Variants in SYT6 observed in about 807,000 individuals in gnomAD.
SYT6 encodes the protein synaptotagmin-6.
In SYT6, 24 loss-of-function variants were observed where a neutral mutation model predicts 38.4. That is an observed-to-expected ratio of 0.62 (90% CI 0.45 to 0.88). The LOEUF is 0.88. Ranked by LOEUF, SYT6 falls within the 40% of genes least tolerant of loss-of-function variation. SYT6 has a pLI of 0.00. For synonymous variants in SYT6, 265 were observed against 241.9 expected (o/e 1.10, Z -0.89); for missense variants, 611 against 621.0 (o/e 0.98, Z 0.17).
At chr1:114,104,832 T>A (rs2629815) in intron 3 of SYT6, among the ~76,000 whole-genome samples, 2 of 151,888 alleles carry the variant, frequency 1.3e-5, no homozygotes, top group Non-Finnish European at 2.9e-5. Context: ...TTAAAAAAAA[T>A]TCCACCTTTT....
At chr1:114,134,999 T>G (rs894752097) in intron 3 of SYT6, among the ~76,000 whole-genome samples, 1 of 152,166 alleles carries the variant, frequency 6.6e-6, no homozygotes, top group African/African-American at 2.4e-5. Flanking sequence ...CCCCCTCTTT[T>G]GCTTGAGTCC....
At chr1:114,118,950 T>C (rs1444089016) in intron 3 of SYT6, among the ~76,000 whole-genome samples, 1 of 152,216 alleles carries the variant, frequency 6.6e-6, no homozygotes, top group Non-Finnish European at 1.5e-5. Context: ...GTGGCTCCTA[T>C]GTCTCCGTGA....
intron 3 of SYT6, among the ~76,000 whole-genome samples, chr1:114,116,283 G>C (rs976606101): frequency 6.6e-6 from 1 of 152,294 alleles, no homozygotes; most frequent in African/African-American, 2.4e-5. Context: ...GAAGGAGGGA[G>C]GGGGAGAAGC....
At chr1:114,143,243 T>A (rs1678965899) in intron 1 of SYT6, among the ~76,000 whole-genome samples, 1 of 149,228 alleles carries the variant, frequency 6.7e-6, no homozygotes, top group Non-Finnish European at 1.5e-5. Context: ...ATAATTCTAT[T>A]TCTTTTTATA....
intron 3 of SYT6, among the ~76,000 whole-genome samples, chr1:114,127,840 A>T (rs1347110883): frequency 1.3e-5 from 2 of 152,238 alleles, no homozygotes; most frequent in Non-Finnish European, 1.5e-5. Flanking sequence ...GCCAGAGAAT[A>T]ACAAGGATGA....
At chr1:114,129,949 T>C (rs555050329) in intron 3 of SYT6, among the ~76,000 whole-genome samples, 3 of 151,986 alleles carry the variant, frequency 2.0e-5, no homozygotes, top group South Asian at 2.1e-4. Context: ...CCTCCCGAAG[T>C]GCTAGGAGTA....
At chr1:114,124,469 C>T (rs1433638516) in intron 3 of SYT6, among the ~76,000 whole-genome samples, 9 of 152,210 alleles carry the variant, frequency 5.9e-5, no homozygotes, top group African/African-American at 9.6e-5. Flanking sequence ...AGAGGGAAGA[C>T]GATAGAATGA....
chr1:114,107,628 T>TA (rs1676406009), intron 3 of SYT6, among the ~76,000 whole-genome samples: 1 of 152,064 alleles, frequency 6.6e-6, no homozygotes, highest in Non-Finnish European at 1.5e-5. Context: ...GATTATTTAA[T>TA]AAAGGAAATT....
chr1:114,131,626 G>A (rs1211490158), intron 3 of SYT6, among the ~76,000 whole-genome samples: 1 of 152,192 alleles, frequency 6.6e-6, no homozygotes, highest in Non-Finnish European at 1.5e-5. Flanking sequence ...TGTCAGCCTG[G>A]GCACCCTGAT....
At chr1:114,140,960 A>G (rs1350484735) in intron 1 of SYT6, among the ~76,000 whole-genome samples, 1 of 152,186 alleles carries the variant, frequency 6.6e-6, no homozygotes, top group Non-Finnish European at 1.5e-5. Context: ...AGCTGCATCC[A>G]TGTAAGATGG....
rs201787036 is a variant in SYT6 at position 114,137,919 on chromosome 1, G to A, written c.647C>T (p.Ser216Leu). Residue 216 changes from serine to leucine, a missense_variant, in exon 3 of 8, where the codon TCG becomes TTG. Transcript: ENST00000610222. The part of the protein sequence containing the change: ...RIKPELYKQK[S>L]VDGEDAKSEA... Reference sequence around the variant, plus strand: ...AGACTTGGCATCCTCCCCATCCACCGACTTCTGCTTGTAGAGCTCAGGCTT... The same window carrying A: ...AGACTTGGCATCCTCCCCATCCACCAACTTCTGCTTGTAGAGCTCAGGCTT... 11 of 1,614,020 alleles carry A rather than the reference G, an allele frequency of 6.8e-6. No individual in the cohort carries two copies. The East Asian group carries it at 1.3e-4, about 20-fold the overall frequency.
At chr1:114,150,382 C>T (rs1476337267) in intron 1 of SYT6, among the ~76,000 whole-genome samples, 1 of 152,218 alleles carries the variant, frequency 6.6e-6, no homozygotes. Context: ...GTCAGAATAT[C>T]ATCTCCTTGG....
rs61312323 is a variant in SYT6, at chr1:114,091,745, C to CT, written c.*388dup. 0.74 allele frequency: 191,078 copies of CT among 258,518 alleles called. 65,324 individuals carry two copies. The highest frequency in any genetic ancestry group is 0.94 in the African/African-American group (40,813 of 43,292). 16.0% of individuals were successfully genotyped at this position (258,518 alleles called of 1,614,324 possible). Reference sequence around the variant, plus strand: ...TTTCCACCCTTTGTCTTTTCCTACTCTTTTTTTTTTTCCCTTTTCTTACCA... The same window carrying CT: ...TTTCCACCCTTTGTCTTTTCCTACTCTTTTTTTTTTTTCCCTTTTCTTACCA... On this transcript the variant is annotated 3_prime_UTR_variant, in exon 8 of 8. Transcript: ENST00000610222.
At chr1:114,150,989 T>C (rs977215259) in intron 1 of SYT6, among the ~76,000 whole-genome samples, 1 of 152,090 alleles carries the variant, frequency 6.6e-6, no homozygotes, top group Non-Finnish European at 1.5e-5. Context: ...CAGGAAGAAG[T>C]CAAGGGAAAA....
intron 6 of SYT6, among the ~76,000 whole-genome samples, chr1:114,096,998 G>T (rs981710172): frequency 1.3e-5 from 2 of 152,202 alleles, no homozygotes; most frequent in African/African-American, 4.8e-5. Context: ...GTGGGATTCA[G>T]CGGAGGGTGG....
chr1:114,149,152 AG>A (rs1679304095), intron 1 of SYT6, among the ~76,000 whole-genome samples: 1 of 120,456 alleles, frequency 8.3e-6, no homozygotes, highest in Non-Finnish European at 1.9e-5. Context: ...CCACCAGGCA[AG>A]TAACCAGTGG....
intron 3 of SYT6, among the ~76,000 whole-genome samples, chr1:114,121,248 G>T (rs1316909233): frequency 6.6e-6 from 1 of 152,226 alleles, no homozygotes; most frequent in African/African-American, 2.4e-5. Context: ...GAGAAGGCTG[G>T]CTTGGGGCCT....
chr1:114,135,768 C>A (rs1336244981), intron 3 of SYT6, among the ~76,000 whole-genome samples: 1 of 152,214 alleles, frequency 6.6e-6, no homozygotes, highest in Non-Finnish European at 1.5e-5. Context: ...CCTAGAAGGG[C>A]TGGGCTGAGC....
chr1:114,105,313 C>CG (rs979122995), intron 3 of SYT6, among the ~76,000 whole-genome samples: 15 of 150,542 alleles, frequency 1.0e-4, no homozygotes, highest in East Asian at 2.0e-4. Context: ...CCTGTTCCCC[C>CG]CCTGGAGAAT....
Sources: allele counts gnomAD v4.1 joint callset (sites outside exome capture counted in the v4.1 genomes callset), GRCh38; gene constraint gnomAD v4.1.1; transcripts MANE v1.5; gene names NCBI Gene and HGNC (gene_info 2026-07-23, HGNC 2026-07-21).